Variants in AXDND1 observed in about 807,000 individuals in gnomAD.
AXDND1 encodes the protein axonemal dynein light chain domain containing 1, also known as axonemal dynein light chain domain-containing protein 1.
Under a neutral mutation model 137.5 loss-of-function variants are expected in AXDND1, and 110 were observed. The ratio of observed to expected loss-of-function variants is 0.80; its 90% CI spans 0.69 to 0.94. The LOEUF is 0.94. AXDND1 is among the 40% of genes least tolerant of loss of function. The pLI, the probability that AXDND1 is intolerant of heterozygous loss-of-function variation, is 0.00. For missense variants in AXDND1, 1,191 were observed against 1,169.8 expected (o/e 1.02, Z -0.26); for synonymous variants, 414 against 399.7 (o/e 1.04, Z -0.43).
At chr1:179,486,005 G>A (rs1239076774) in intron 18 of AXDND1, among the ~76,000 whole-genome samples, 1 of 151,676 alleles carries the variant, frequency 6.6e-6, no homozygotes, top group Admixed American at 6.6e-5. Flanking sequence ...TGTAATTCCA[G>A]CTACTCAGGA....
intron 6 of AXDND1, among the ~76,000 whole-genome samples, chr1:179,380,224 G>A (rs1339745124): frequency 6.6e-6 from 1 of 151,818 alleles, no homozygotes; most frequent in Non-Finnish European, 1.5e-5. Context: ...ACTCCAGCCT[G>A]GGCGACAGAG....
At chr1:179,386,918 C>G (rs1038398497) in intron 9 of AXDND1, among the ~76,000 whole-genome samples, 13 of 151,652 alleles carry the variant, frequency 8.6e-5, no homozygotes, top group African/African-American at 3.1e-4. Context: ...TTTGTAGAGA[C>G]AGGATCTTAC....
chr1:179,529,390 A>G (rs1670850693), intron 23 of AXDND1, among the ~76,000 whole-genome samples: 1 of 152,252 alleles, frequency 6.6e-6, no homozygotes. Flanking sequence ...TTGAAAAATC[A>G]CTGATGTGAG....
chr1:179,477,497 T>C (rs1216733251), intron 17 of AXDND1, among the ~76,000 whole-genome samples: 1 of 151,978 alleles, frequency 6.6e-6, no homozygotes, highest in Non-Finnish European at 1.5e-5. Flanking sequence ...GTGAAAGGGA[T>C]TTCCCCTTAT....
rs910732967 is a variant in AXDND1 at position 179,428,001 on chromosome 1, G to T, written c.1231-1517G>T. Among the ~76,000 whole-genome samples, 3 of 151,440 alleles carry T rather than the reference G, an allele frequency of 2.0e-5. No homozygotes were observed. The East Asian group carries it at 5.8e-4, about 29-fold the overall frequency. ...GTGACATTGAAGTAACTGTGGATTT[G>T]CTAAGGCAACTGCATGAAATGATTC... is the stretch of plus-strand genomic sequence containing the variant. On this transcript the variant is annotated intron_variant, in intron 12 of 25. Coordinates refer to ENST00000367618, the MANE Select transcript of AXDND1 (RefSeq NM_144696.6).
chr1:179,452,806 C>T (rs1406178029), intron 16 of AXDND1: 1 of 151,520 alleles, frequency 6.6e-6, no homozygotes, highest in Non-Finnish European at 1.5e-5. Flanking sequence ...TGTTAATCCC[C>T]CGAGACCATG....
chr1:179,415,765 C>T lies in AXDND1; in HGVS notation c.1230+4499C>T, dbSNP rs534704953. On this transcript the variant is annotated intron_variant, in intron 12 of 25. Transcript: ENST00000367618. ...TGTTGCCCAGGCTGGAGTGCAGTGG[C>T]GCGATCTCTGCTCGCTGCAACCTCC... Among the ~76,000 whole-genome samples, 138 of 151,812 alleles carry T rather than the reference C, an allele frequency of 9.1e-4. 2 individuals carry two copies. The highest frequency in any genetic ancestry group is 1.7e-3 in the Non-Finnish European group (113 of 67,930).
chr1:179,528,649 T>TTC (rs1406876611), intron 23 of AXDND1, among the ~76,000 whole-genome samples: 1 of 146,242 alleles, frequency 6.8e-6, no homozygotes, highest in Non-Finnish European at 1.5e-5. Flanking sequence ...CTCTTTTTTT[T>TTC]TTTTTTTTTT....
rs1467817827 is a variant in AXDND1 at position 179,430,594 on chromosome 1, A to G, written c.1475A>G (p.Gln492Arg). Residue 492 changes from glutamine to arginine, a missense_variant, in exon 14 of 26, where the codon CAG (glutamine) becomes CGG (arginine). Physicochemically the swap from Gln to Arg is conservative, Grantham distance 43. Coordinates refer to ENST00000367618, the MANE Select transcript of AXDND1 (RefSeq NM_144696.6). ...GTTAAGGATGGGCTTATCAAATGGC[A>G]GGAGTTCTTCAAGTGAGTCACCAAG... ...KIVKDGLIKW[Q>R]EFFNEKDILS... 1.1e-5 allele frequency: 17 copies of G among 1,609,974 alleles called. No homozygotes were observed. The Admixed American group carries it at 2.9e-4, about 28-fold the overall frequency.
At chr1:179,505,647 CAAAAA>C (rs796584155) in intron 20 of AXDND1, among the ~76,000 whole-genome samples, 1 of 111,480 alleles carries the variant, frequency 9.0e-6, no homozygotes. Flanking sequence ...AACTCCATCT[CAAAAA>C]AAAAAAAAGA....
chr1:179,515,058 A>C (rs1033408349), intron 21 of AXDND1, among the ~76,000 whole-genome samples: 1 of 152,156 alleles, frequency 6.6e-6, no homozygotes, highest in Non-Finnish European at 1.5e-5. Context: ...ATTTACATTC[A>C]ATGTTACTAT....
Position 179,488,031 on chromosome 1 carries a change from C to T in AXDND1, c.2092-3507C>T, listed in dbSNP as rs1242426557. Among the ~76,000 whole-genome samples the T allele has an allele frequency of 1.3e-4, 16 of 118,800 alleles. 1 individual carries two copies. The highest frequency in any genetic ancestry group is 2.6e-4 in the Admixed American group (3 of 11,518). 77.9% of individuals were successfully genotyped at this position (118,800 alleles called of 152,430 possible). A position where few individuals can be genotyped will look rare whatever the true frequency, so the allele number is the denominator to read the frequency against. The stretch of plus-strand genomic sequence containing the variant: ...AAAAAAAAAAGAGAAATTTCAATTC[C>T]GTCAATCAGTTATGCAAAGGTTTTT... On this transcript the variant is annotated intron_variant, in intron 18 of 25. Coordinates refer to ENST00000367618, the MANE Select transcript of AXDND1 (RefSeq NM_144696.6).
intron 20 of AXDND1, among the ~76,000 whole-genome samples, chr1:179,500,109 G>A (rs1274417453): frequency 6.6e-6 from 1 of 152,064 alleles, no homozygotes; most frequent in Non-Finnish European, 1.5e-5. Flanking sequence ...TTATAGACCA[G>A]TCTCACATGG....
chr1:179,457,120 C>G, intron 16 of AXDND1: 2 of 1,057,420 alleles, frequency 1.9e-6, no homozygotes, highest in Non-Finnish European at 2.9e-6. Context: ...GCCTTGCATT[C>G]ATGGCTGCAT....
chr1:179,541,205 G>A (rs889911996), intron 25 of AXDND1, among the ~76,000 whole-genome samples: 9 of 152,208 alleles, frequency 5.9e-5, no homozygotes, highest in Non-Finnish European at 1.2e-4. Context: ...ATTTTGGCAA[G>A]AGTGTACCGT....
intron 12 of AXDND1, among the ~76,000 whole-genome samples, chr1:179,425,962 A>G (rs969183563): frequency 4.6e-5 from 7 of 151,268 alleles, no homozygotes; most frequent in Non-Finnish European, 1.0e-4. Flanking sequence ...ACAGCCTCTC[A>G]AGTAGCTGGG....
At position 179,534,846 on chromosome 1, in the gene AXDND1, A is replaced by T; in HGVS notation, c.2915A>T (p.Lys972Met). 6.2e-7 allele frequency: 1 copy of T among 1,611,466 alleles called. No individual in the cohort carries two copies. The highest frequency in any genetic ancestry group is 2.2e-5 in the East Asian group (1 of 44,820). ...DLEELVMTSR[K>M]ESKEEKENQD... Reference sequence around the variant, plus strand: ...GAGGAATTAGTCATGACATCAAGAAAGGAGTCTAAAGAAGAGAAAGAAAAT... The same window carrying T: ...GAGGAATTAGTCATGACATCAAGAATGGAGTCTAAAGAAGAGAAAGAAAAT... Residue 972 changes from lysine to methionine, a missense_variant, in exon 25 of 26, where the codon AAG becomes ATG. Transcript: ENST00000367618.
chr1:179,460,504 A>G (rs1387732915), intron 16 of AXDND1, among the ~76,000 whole-genome samples: 1 of 152,218 alleles, frequency 6.6e-6, no homozygotes, highest in Non-Finnish European at 1.5e-5. Context: ...GTGCCACAAT[A>G]AACGTAGGTG....
intron 20 of AXDND1, among the ~76,000 whole-genome samples, chr1:179,501,075 T>C (rs866243526): frequency 6.6e-6 from 1 of 152,238 alleles, no homozygotes; most frequent in African/African-American, 2.4e-5. Flanking sequence ...ACCACACATA[T>C]ATAGAACATT....
Sources: gnomAD v4.1 joint callset for allele counts (sites outside exome capture counted in the v4.1 genomes callset) on GRCh38, gnomAD v4.1.1 for gene constraint, MANE v1.5 for transcripts, NCBI Gene and HGNC (gene_info 2026-07-23, HGNC 2026-07-21) for gene names.